The following ARHGAP23 variants were observed in gnomAD, a reference collection of about 807,000 sequenced individuals.
ARHGAP23 encodes the protein rho GTPase-activating protein 23.
ARHGAP23 carries 34 observed loss-of-function variants against 136.3 expected under a neutral mutation model. The observed-to-expected ratio is 0.25, with a 90% confidence interval of 0.19 to 0.33. The LOEUF is 0.33. Ranked by LOEUF, ARHGAP23 falls within the 10% of genes least tolerant of loss-of-function variation. ARHGAP23 has a pLI of 1.00. For missense variants in ARHGAP23, 1,808 were observed against 2,139.0 expected (o/e 0.85, Z 3.05); for synonymous variants, 832 against 920.5 (o/e 0.90, Z 1.74).
intron 1 of ARHGAP23, chr17:38,457,752 C>T: frequency 2.8e-6 from 1 of 362,256 alleles, no homozygotes; most frequent in Non-Finnish European, 5.0e-6. Context: ...ACTTCCTGGG[C>T]AGGAAGGCTG....
chr17:38,496,303 T>C (rs2040391106), intron 20 of ARHGAP23, among the ~76,000 whole-genome samples: 1 of 85,696 alleles, frequency 1.2e-5, no homozygotes, highest in African/African-American at 3.1e-5. Context: ...AATCCCAAAA[T>C]CTACAATTTT....
At chr17:38,478,989 C>T (rs927420379) in intron 12 of ARHGAP23, among the ~76,000 whole-genome samples, 1 of 152,134 alleles carries the variant, frequency 6.6e-6, no homozygotes, top group Non-Finnish European at 1.5e-5. Flanking sequence ...GAACAGCTTT[C>T]CCCACTGCAG....
chr17:38,450,083 G>A (rs763970420), intron 1 of ARHGAP23, among the ~76,000 whole-genome samples: 1 of 152,230 alleles, frequency 6.6e-6, no homozygotes, highest in Non-Finnish European at 1.5e-5. Context: ...ACCTCCCAGA[G>A]AGAAGAGGCC....
At chr17:38,429,226 T>C (rs1442384203) in intron 1 of ARHGAP23, among the ~76,000 whole-genome samples, 1 of 152,204 alleles carries the variant, frequency 6.6e-6, no homozygotes, top group African/African-American at 2.4e-5. Context: ...CCAGGGGCAT[T>C]ACTCAGCGCT....
At position 38,509,953 on chromosome 17, in the gene ARHGAP23, GC is replaced by G; in HGVS notation, c.3462del (p.Lys1155ArgfsTer128). The G allele has an allele frequency of 8.0e-7, 1 of 1,250,138 alleles. No individual in the cohort carries two copies. The highest frequency in any genetic ancestry group is 3.9e-5 in the South Asian group (1 of 25,510). 77.4% of individuals were successfully genotyped at this position (1,250,138 alleles called of 1,614,324 possible). A position where few individuals can be genotyped will look rare whatever the true frequency, so the allele number is the denominator to read the frequency against. On this transcript the variant is annotated frameshift_variant, in exon 24 of 24. Transcript: ENST00000622683. LOFTEE classifies it high-confidence loss of function. ...CSSAKSKGSW[A>X]PKKEPYAREM... ...CCTGTCTCCCACACAGGGTTCGTGG[GC>G]CCCCAAGAAGGAGCCGTACGCCCGG...
At chr17:38,445,254 C>T (rs2039006696) in intron 1 of ARHGAP23, among the ~76,000 whole-genome samples, 1 of 145,054 alleles carries the variant, frequency 6.9e-6, no homozygotes, top group South Asian at 2.2e-4. Context: ...ATCACGAGAT[C>T]AGGAGATCGA....
intron 2 of ARHGAP23, 62 bp downstream of exon 2, chr17:38,458,325 T>G: frequency 6.9e-7 from 1 of 1,450,312 alleles, no homozygotes; most frequent in South Asian, 1.4e-5. Flanking sequence ...GAGACTCTTT[T>G]GTGCCAGTCC....
At chr17:38,490,992 T>C (rs6503668) in intron 19 of ARHGAP23, among the ~76,000 whole-genome samples, 104,310 of 152,100 alleles carry the variant, frequency 0.69, 36,950 homozygotes, top group East Asian at 0.91. Context: ...GATCTCGGCT[T>C]ACTGCAACCT....
Position 38,510,651 on chromosome 17 carries a change from C to T in ARHGAP23, c.4155C>T (p.Ala1385=), listed in dbSNP as rs2040741217. 45 of 1,374,832 alleles carry T rather than the reference C, an allele frequency of 3.3e-5. No individual in the cohort carries two copies. Among genetic ancestry groups the T allele is most frequent in the South Asian group, 5.1e-5 (3 of 58,458 alleles). The allele number at this position is 1,374,832 out of a possible 1,614,324, so 85.2% of individuals were successfully genotyped here. ...RLRGTADDML[A]VRLRRPLSPE... Reference sequence around the variant, plus strand: ...GCGGCACGGCGGACGACATGCTCGCCGTGCGCCTGCGGCGGCCGCTGTCGC... The same window carrying T: ...GCGGCACGGCGGACGACATGCTCGCTGTGCGCCTGCGGCGGCCGCTGTCGC... The change falls in exon 24 of 24, where the codon GCC becomes GCT. Residue 1385 remains alanine, a synonymous_variant. Coordinates refer to ENST00000622683, the MANE Select transcript of ARHGAP23 (RefSeq NM_001199417.2). The surrounding 1 kb of genome is among the most constrained non-coding windows in gnomAD (Gnocchi z 4.6).
chr17:38,458,764 G>A (rs1022996349), intron 2 of ARHGAP23, among the ~76,000 whole-genome samples: 12 of 152,198 alleles, frequency 7.9e-5, no homozygotes, highest in Admixed American at 6.5e-4. Flanking sequence ...AGCTCAGTGC[G>A]CTGGAAACAG....
rs1161814761 is a variant in ARHGAP23 at position 38,490,180 on chromosome 17, GGAGA to G, written c.3060+11_3060+14del. Reference sequence around the variant, plus strand: ...ATGAGGACGCTGCGGAAGCTGGTAAGGAGAGAGAGGTGCTGTCAGACACGAGGTG... The same window carrying G: ...ATGAGGACGCTGCGGAAGCTGGTAAGGAGAGGTGCTGTCAGACACGAGGTG... On this transcript the variant is annotated splice_donor_region_variant and intron_variant, in intron 18 of 23. Transcript: ENST00000622683. 1 of 1,551,294 alleles carries G rather than the reference GGAGA, an allele frequency of 6.4e-7. No homozygotes were observed. Among genetic ancestry groups the G allele is most frequent in the Non-Finnish European group, 8.7e-7 (1 of 1,146,748 alleles).
intron 4 of ARHGAP23, 62 bp from the exon 5 acceptor site, chr17:38,463,055 AG>A: frequency 1.3e-6 from 2 of 1,541,174 alleles, no homozygotes; most frequent in Non-Finnish European, 1.8e-6. Context: ...TGCCTGGTAC[AG>A]GGGTTCTCAG....
intron 23 of ARHGAP23, 141 bp downstream of exon 23, chr17:38,500,769 G>C: frequency 1.3e-6 from 1 of 775,214 alleles, no homozygotes; most frequent in Non-Finnish European, 2.2e-6. Context: ...GAGGTACCGA[G>C]TGCCCAAGGT....
At chr17:38,447,740 T>C (rs9972965) in intron 1 of ARHGAP23, among the ~76,000 whole-genome samples, 26,612 of 152,168 alleles carry the variant, frequency 0.17, 3,448 homozygotes, top group African/African-American at 0.37. Flanking sequence ...CAGACAGGCC[T>C]AGAGACCAGA....
At chr17:38,438,972 G>A (rs749647710) in intron 1 of ARHGAP23, among the ~76,000 whole-genome samples, 5 of 151,824 alleles carry the variant, frequency 3.3e-5, no homozygotes, top group African/African-American at 4.8e-5. Context: ...CAAATAGAGC[G>A]AAACTCCATC....
At chr17:38,440,926 C>T (rs72834053) in intron 1 of ARHGAP23, among the ~76,000 whole-genome samples, 11,008 of 152,264 alleles carry the variant, frequency 0.072, 498 homozygotes, top group Middle Eastern at 0.22. Context: ...CAGGCAGAGC[C>T]TTACCACGAC....
intron 1 of ARHGAP23, among the ~76,000 whole-genome samples, chr17:38,434,013 A>G (rs979542171): frequency 3.9e-5 from 6 of 151,978 alleles, no homozygotes; most frequent in Non-Finnish European, 5.9e-5. Flanking sequence ...AGGTTTCGGC[A>G]TGTTGGCTGG....
chr17:38,508,827 G>T (rs949148106), intron 23 of ARHGAP23, among the ~76,000 whole-genome samples: 2 of 152,122 alleles, frequency 1.3e-5, no homozygotes. Flanking sequence ...TTCCGGATAG[G>T]TGAGTTTTAA....
rs2040731916 is a variant in ARHGAP23, at chr17:38,510,410, C to T, written c.3914C>T (p.Pro1305Leu). Residue 1305 changes from proline (P) to leucine (L), a missense_variant, in exon 24 of 24, where the codon CCG becomes CTG. Pro to Leu is a moderately conservative substitution (Grantham distance 98). Coordinates refer to ENST00000622683, the MANE Select transcript of ARHGAP23 (RefSeq NM_001199417.2). The surrounding 1 kb of genome is among the most constrained non-coding windows in gnomAD (Gnocchi z 4.6). ...CCTGGGGGGCGCCTGACACGCCGGC[C>T]GTCCTTCAGCTCGCACCACCTCATG... ...AGPGGRLTRR[P>L]SFSSHHLMPC... is the part of the protein sequence containing the mutation. 1.6e-6 allele frequency: 2 copies of T among 1,238,850 alleles called. No homozygotes were observed. Among genetic ancestry groups the T allele is most frequent in the South Asian group, 3.8e-5 (1 of 26,596 alleles). The allele number at this position is 1,238,850 out of a possible 1,614,324, so 76.7% of individuals were successfully genotyped here.
Sources: gnomAD v4.1 joint callset for allele counts (sites outside exome capture counted in the v4.1 genomes callset) on GRCh38, gnomAD v4.1.1 for gene constraint, Gnocchi (gnomAD v3.1) non-coding constraint, MANE v1.5 for transcripts, NCBI Gene and HGNC (gene_info 2026-07-23, HGNC 2026-07-21) for gene names.